IMMP2L: variants seen among roughly 807,000 people sequenced by gnomAD.
IMMP2L encodes the protein mitochondrial inner membrane protease subunit 2.
IMMP2L carries 18 observed loss-of-function variants against 19.3 expected under a neutral mutation model. The ratio of observed to expected loss-of-function variants is 0.93; its 90% CI spans 0.64 to 1.38. IMMP2L has a LOEUF of 1.38. IMMP2L is among the 40% of genes most tolerant of loss of function. The probability of loss-of-function intolerance (pLI) is 0.00; values close to 1 mark genes in which losing one functional copy is unlikely to be tolerated. For synonymous variants in IMMP2L, 76 were observed against 73.0 expected (o/e 1.04, Z -0.21); for missense variants, 233 against 218.2 (o/e 1.07, Z -0.43).
chr7:110,729,243 T>G (rs1458264057), intron 5 of IMMP2L, among the ~76,000 whole-genome samples: 1 of 152,094 alleles, frequency 6.6e-6, no homozygotes, highest in Non-Finnish European at 1.5e-5. Flanking sequence ...ATTTATAAAA[T>G]AAAAGAAGTC....
Position 111,123,081 on chromosome 7 carries a change from T to C in IMMP2L, c.240-159516A>G, listed in dbSNP as rs1193356999. 6.2e-7 allele frequency: 1 copy of C among 1,613,812 alleles called. No individual in the cohort carries two copies. The highest frequency in any genetic ancestry group is 8.5e-7 in the Non-Finnish European group (1 of 1,179,928). On this transcript the variant is annotated intron_variant, in intron 3 of 5. Coordinates refer to ENST00000405709, the MANE Select transcript of IMMP2L (RefSeq NM_032549.4). The surrounding 1 kb of genome is among the most constrained non-coding windows in gnomAD (Gnocchi z 6.4). ...CTGGCCTGGATTTATCTCAAAACAA[T>C]TTATCTTCAGTCACCAATATTAATG...
At chr7:110,946,151 G>A (rs1158258405) in intron 4 of IMMP2L, among the ~76,000 whole-genome samples, 1 of 152,036 alleles carries the variant, frequency 6.6e-6, no homozygotes, top group African/African-American at 2.4e-5. Flanking sequence ...CTAGATTTCT[G>A]GGCCCCATCT....
chr7:110,997,338 C>T (rs1407591509), intron 3 of IMMP2L, among the ~76,000 whole-genome samples: 1 of 152,004 alleles, frequency 6.6e-6, no homozygotes, highest in African/African-American at 2.4e-5. Flanking sequence ...GGCTATTACA[C>T]ATAAAGATGC....
At chr7:111,007,773 T>C (rs1267962457) in intron 3 of IMMP2L, among the ~76,000 whole-genome samples, 2 of 151,954 alleles carry the variant, frequency 1.3e-5, no homozygotes, top group East Asian at 3.9e-4. Context: ...TCCAAACTTC[T>C]CTAAATTTCA....
chr7:111,170,278 A>G (rs901147101), intron 3 of IMMP2L, among the ~76,000 whole-genome samples: 4 of 151,854 alleles, frequency 2.6e-5, no homozygotes, highest in Non-Finnish European at 4.4e-5. Flanking sequence ...AAATCAAGGC[A>G]ACCTTCAAAC....
At chr7:111,387,601 G>A (rs537092326) in intron 3 of IMMP2L, among the ~76,000 whole-genome samples, 3 of 152,248 alleles carry the variant, frequency 2.0e-5, no homozygotes, top group South Asian at 4.1e-4. Context: ...ATGTATGCCA[G>A]TGTTATTGCC....
intron 5 of IMMP2L, among the ~76,000 whole-genome samples, chr7:110,683,638 T>C (rs530488403): frequency 6.6e-6 from 1 of 152,232 alleles, no homozygotes; most frequent in South Asian, 2.1e-4. Context: ...AGAAATCATC[T>C]TGTTAATAAA....
At chr7:111,222,440 C>A (rs1191220822) in intron 3 of IMMP2L, among the ~76,000 whole-genome samples, 2 of 151,302 alleles carry the variant, frequency 1.3e-5, no homozygotes, top group Non-Finnish European at 2.9e-5. Context: ...TGATTATTAT[C>A]CAGAATATAA....
At chr7:111,534,686 G>A (rs1021926160) in intron 1 of IMMP2L, among the ~76,000 whole-genome samples, 2 of 152,086 alleles carry the variant, frequency 1.3e-5, no homozygotes, top group Non-Finnish European at 2.9e-5. Context: ...GGAAAATGAC[G>A]TCAGTCTTAT....
At chr7:111,232,915 G>A (rs1813870934) in intron 3 of IMMP2L, among the ~76,000 whole-genome samples, 1 of 152,064 alleles carries the variant, frequency 6.6e-6, no homozygotes, top group Admixed American at 6.6e-5. Context: ...CCTCTGGAAA[G>A]GAGTTACCTT....
intron 1 of IMMP2L, among the ~76,000 whole-genome samples, chr7:111,541,806 T>C (rs1030306283): frequency 6.6e-5 from 10 of 152,074 alleles, no homozygotes; most frequent in Non-Finnish European, 1.2e-4. Flanking sequence ...CAGAACCTAA[T>C]GTAGCTTTCT....
At chr7:111,169,792 C>G (rs1242111002) in intron 3 of IMMP2L, among the ~76,000 whole-genome samples, 4 of 151,804 alleles carry the variant, frequency 2.6e-5, no homozygotes, top group Admixed American at 2.6e-4. Flanking sequence ...TGGGGAGACA[C>G]AATTCAACAC....
chr7:110,669,074 T>G (rs952522847), intron 5 of IMMP2L, among the ~76,000 whole-genome samples: 2 of 141,434 alleles, frequency 1.4e-5, no homozygotes, highest in Non-Finnish European at 3.0e-5. Flanking sequence ...TGTGTGTGTG[T>G]GTGTGTGTGT....
At chr7:111,163,265 G>A (rs772984318) in intron 3 of IMMP2L, among the ~76,000 whole-genome samples, 6 of 151,938 alleles carry the variant, frequency 3.9e-5, no homozygotes, top group South Asian at 2.1e-4. Flanking sequence ...CTGGAGAGGC[G>A]TCAATTAACA....
intron 3 of IMMP2L, among the ~76,000 whole-genome samples, chr7:111,384,882 CTT>C (rs201049968): frequency 0.013 from 2,023 of 152,130 alleles, 26 homozygotes; most frequent in Non-Finnish European, 0.017. Flanking sequence ...GAATTTCTAA[CTT>C]GATTAATAAT....
chr7:110,976,447 A>G (rs960992459), intron 3 of IMMP2L, among the ~76,000 whole-genome samples: 2 of 152,080 alleles, frequency 1.3e-5, no homozygotes, highest in Non-Finnish European at 2.9e-5. Flanking sequence ...TACCATTTTC[A>G]TGATTTACAC....
At chr7:111,346,178 C>A (rs1334665552) in intron 3 of IMMP2L, among the ~76,000 whole-genome samples, 1 of 152,020 alleles carries the variant, frequency 6.6e-6, no homozygotes, top group Admixed American at 6.6e-5. Context: ...TTCAGTAAAG[C>A]CTAATATGGA....
At chr7:111,214,808 T>TAA (rs577998888) in intron 3 of IMMP2L, among the ~76,000 whole-genome samples, 1,886 of 148,072 alleles carry the variant, frequency 0.013, 22 homozygotes, top group Non-Finnish European at 0.022. Flanking sequence ...GAGAGAGAGA[T>TAA]AGAGATTAAA....
chr7:111,491,958 G>C (rs543569074), intron 2 of IMMP2L, among the ~76,000 whole-genome samples: 48 of 150,574 alleles, frequency 3.2e-4, no homozygotes, highest in African/African-American at 1.2e-3. Flanking sequence ...ATTTCTGACT[G>C]TTCTCCTTGG....
Sources: allele counts gnomAD v4.1 joint callset (sites outside exome capture counted in the v4.1 genomes callset), GRCh38; gene constraint gnomAD v4.1.1; non-coding constraint Gnocchi (gnomAD v3.1); transcripts MANE v1.5; gene names NCBI Gene and HGNC (gene_info 2026-07-23, HGNC 2026-07-21).